The following BPIFC variants were observed in gnomAD, a reference collection of about 807,000 sequenced individuals.
BPIFC encodes the protein BPI fold-containing family C protein.
BPIFC carries 60 observed loss-of-function variants against 57.6 expected under a neutral mutation model. That is an observed-to-expected ratio of 1.04 (90% CI 0.85 to 1.29). The LOEUF is 1.29. BPIFC is among the 50% of genes most tolerant of loss of function. The pLI, the probability that BPIFC is intolerant of heterozygous loss-of-function variation, is 0.00. For missense variants in BPIFC, 581 were observed against 600.5 expected (o/e 0.97, Z 0.34); for synonymous variants, 243 against 224.5 (o/e 1.08, Z -0.74).
intron 12 of BPIFC, 136 bp downstream of exon 12, chr22:32,432,237 C>G (rs9609550): frequency 3.2e-6 from 3 of 942,760 alleles, no homozygotes; most frequent in Non-Finnish European, 4.7e-6. Context: ...TGAGCCATCA[C>G]GTCCAGCCTC....
chr22:32,461,508 C>A, intron 2 of BPIFC, 66 bp downstream of exon 2: 1 of 862,578 alleles, frequency 1.2e-6, no homozygotes, highest in Non-Finnish European at 1.4e-6. Flanking sequence ...GGGTGTAAAG[C>A]CCTCCATGTC....
chr22:32,454,059 C>T (rs1032069598), intron 3 of BPIFC, among the ~76,000 whole-genome samples: 2 of 152,130 alleles, frequency 1.3e-5, no homozygotes, highest in Non-Finnish European at 2.9e-5. Context: ...TGCAGTAAGC[C>T]ATGATTGCAC....
intron 9 of BPIFC, among the ~76,000 whole-genome samples, chr22:32,436,179 G>A (rs905037936): frequency 2.0e-5 from 3 of 151,948 alleles, no homozygotes; most frequent in South Asian, 2.1e-4. Context: ...CTGTAGTTCC[G>A]GCTACTTGGG....
chr22:32,441,411 C>T (rs972937850), intron 8 of BPIFC, among the ~76,000 whole-genome samples: 3 of 152,178 alleles, frequency 2.0e-5, no homozygotes, highest in Non-Finnish European at 2.9e-5. Context: ...ACTCCCATGA[C>T]GGCAGGTATG....
At chr22:32,450,686 A>G (rs1326793579) in intron 4 of BPIFC, among the ~76,000 whole-genome samples, 1 of 152,068 alleles carries the variant, frequency 6.6e-6, no homozygotes, top group Non-Finnish European at 1.5e-5. Context: ...ATTTTATGAG[A>G]GATACTGACC....
At position 32,457,347 on chromosome 22, in the gene BPIFC, G is replaced by A. The variant is rs1291882584; in HGVS notation, c.40C>T (p.Leu14Phe). ...KTIPVLWGCF[L>F]LWNLYVSSSQ... ...GATGAGACATAGAGATTCCACAGGAGGAAACATCCCCAGAGGACTGGGATT... is the reference window on the plus strand; with the variant it reads ...GATGAGACATAGAGATTCCACAGGAAGAAACATCCCCAGAGGACTGGGATT... Residue 14 changes from leucine (L) to phenylalanine (F), a missense_variant, in exon 3 of 17, where the codon CTC becomes TTC. Transcript: ENST00000300399. The A allele has an allele frequency of 1.2e-6, 2 of 1,610,390 alleles. No individual in the cohort carries two copies. The highest frequency in any genetic ancestry group is 1.1e-5 in the South Asian group (1 of 90,376).
At chr22:32,431,439 A>ATTTATTTATTTTATTTTATTTTTTT in intron 12 of BPIFC, 25 bp from the exon 13 acceptor site, 6 of 1,343,072 alleles carry the variant, frequency 4.5e-6, no homozygotes, top group Non-Finnish European at 6.3e-6. Context: ...AGCATTTATT[A>ATTTATTTATTTTATTTTATTTTTTT]TTAAGACGAG....
intron 7 of BPIFC, among the ~76,000 whole-genome samples, chr22:32,444,155 T>TC (rs1934646959): frequency 6.6e-6 from 1 of 152,198 alleles, no homozygotes; most frequent in East Asian, 1.9e-4. Flanking sequence ...TTCACTGGCC[T>TC]CCTGTCAGAG....
At chr22:32,438,344 A>G (rs28635441) in intron 8 of BPIFC, among the ~76,000 whole-genome samples, 12 of 152,228 alleles carry the variant, frequency 7.9e-5, no homozygotes, top group African/African-American at 2.9e-4. Flanking sequence ...ATATCTTTTT[A>G]GGTATACACA....
chr22:32,432,227 T>G, intron 12 of BPIFC, 146 bp downstream of exon 12: 1 of 855,096 alleles, frequency 1.2e-6, no homozygotes, highest in Non-Finnish European at 1.8e-6. Flanking sequence ...ATTATAGGCA[T>G]GAGCCATCAC....
At chr22:32,445,575 G>A (rs763574044) in intron 7 of BPIFC, 60 bp downstream of exon 7, 20 of 1,420,684 alleles carry the variant, frequency 1.4e-5, no homozygotes, top group Non-Finnish European at 1.8e-5. Flanking sequence ...ATTAATTAAA[G>A]GATGATAGAA....
chr22:32,451,300 T>G (rs1446705709), intron 4 of BPIFC, among the ~76,000 whole-genome samples: 4 of 152,224 alleles, frequency 2.6e-5, no homozygotes, highest in Non-Finnish European at 5.9e-5. Context: ...TGGTTCCAAG[T>G]CTTTGCTATT....
chr22:32,440,312 AT>A (rs936841774), intron 8 of BPIFC, among the ~76,000 whole-genome samples: 25 of 138,210 alleles, frequency 1.8e-4, no homozygotes, highest in Non-Finnish European at 2.5e-4. Context: ...TTAAAAAAAA[AT>A]TTTTTTTATA....
In BPIFC at chr22:32,447,461, A is replaced by G. The variant is rs546375198; in HGVS notation, c.246-121T>C. ...AGGCCATTGTGAACTCCTACAGAGA[A>G]AAGAACCTCCTGTCTGCAAGGCTGT... On this transcript the variant is annotated intron_variant, in intron 4 of 16. Transcript: ENST00000300399. 8.4e-6 allele frequency: 10 copies of G among 1,189,404 alleles called. No homozygotes were observed. The Admixed American group carries it at 2.9e-4, about 34-fold the overall frequency. 73.7% of individuals were successfully genotyped at this position (1,189,404 alleles called of 1,614,324 possible).
chr22:32,453,315 C>A, intron 4 of BPIFC, 68 bp downstream of exon 4: 1 of 1,113,486 alleles, frequency 9.0e-7, no homozygotes, highest in South Asian at 1.7e-5. Flanking sequence ...CGTGGGGCTT[C>A]CATAGAATTC....
intron 5 of BPIFC, 53 bp downstream of exon 5, chr22:32,447,159 T>G (rs1306196938): frequency 2.1e-6 from 3 of 1,435,378 alleles, no homozygotes; most frequent in Non-Finnish European, 1.8e-6. Flanking sequence ...ACATTTTCCG[T>G]TTTTGCTCAC....
In BPIFC at chr22:32,437,925, C is replaced by T. The variant is rs373168537; in HGVS notation, c.656-74G>A. ...AGTATAATATATGAATGATGTCTAT[C>T]TAGAACAATATAATTTTAAATTCTC... is the stretch of plus-strand genomic sequence containing the variant. On this transcript the variant is annotated intron_variant, in intron 8 of 16. Transcript: ENST00000300399. 1.1e-4 allele frequency: 84 copies of T among 784,166 alleles called. No individual in the cohort carries two copies. In the East Asian group the frequency reaches 1.8e-3, roughly 17 times the overall value. 48.6% of individuals were successfully genotyped at this position (784,166 alleles called of 1,614,324 possible).
In BPIFC at chr22:32,464,364, T is replaced by G; in HGVS notation, c.-89+10A>C. On this transcript the variant is annotated intron_variant, in intron 1 of 16. Coordinates refer to ENST00000300399, the MANE Select transcript of BPIFC (RefSeq NM_174932.3). ...CTGGCAGAGACCTGAAGTTTGTTCA[T>G]GAGTCTTACCTCAAGCAGAGGAAGT... 1.0e-6 allele frequency: 1 copy of G among 985,028 alleles called. No individual in the cohort carries two copies. Among genetic ancestry groups the G allele is most frequent in the South Asian group, 4.7e-5 (1 of 21,266 alleles). The allele number at this position is 985,028 out of a possible 1,614,324, so 61.0% of individuals were successfully genotyped here. A position where few individuals can be genotyped will look rare whatever the true frequency, so the allele number is the denominator to read the frequency against.
chr22:32,433,744 T>C lies in BPIFC; in HGVS notation c.953A>G (p.Gln318Arg). The change falls in exon 11 of 17, where the codon CAA (glutamine) becomes CGA (arginine). Residue 318 changes from glutamine to arginine, a missense_variant. Coordinates refer to ENST00000300399, the MANE Select transcript of BPIFC (RefSeq NM_174932.3). ...CCGGGAGAGCACGTTGCCAAGGCCT[T>C]GAGAGTTTTGAACAAAATGGTTGGA... is the stretch of plus-strand genomic sequence containing the variant. ...EISNHFVQNS[Q>R]GLGNVLSRIA... 2 of 1,613,788 alleles carry C rather than the reference T, an allele frequency of 1.2e-6. No individual in the cohort carries two copies. The highest frequency in any genetic ancestry group is 1.7e-6 in the Non-Finnish European group (2 of 1,179,758).
Sources: allele counts gnomAD v4.1 joint callset (sites outside exome capture counted in the v4.1 genomes callset), GRCh38; gene constraint gnomAD v4.1.1; transcripts MANE v1.5; gene names NCBI Gene and HGNC (gene_info 2026-07-23, HGNC 2026-07-21).